AAMDC: variants seen among roughly 807,000 people sequenced by gnomAD.
AAMDC encodes adipogenesis associated Mth938 domain containing.
AAMDC carries 16 observed loss-of-function variants against 15.5 expected under a neutral mutation model. The observed-to-expected ratio is 1.03, with a 90% CI of 0.70 to 1.57. The LOEUF (loss-of-function observed/expected upper bound fraction) is 1.57, where lower values mean the gene tolerates loss of function less well. Among genes scored for constraint, AAMDC ranks in the 40% most tolerant of loss-of-function variants. The probability of loss-of-function intolerance (pLI) is 0.00; values close to 1 mark genes in which losing one functional copy is unlikely to be tolerated. For missense variants in AAMDC, 141 were observed against 144.9 expected (o/e 0.97, Z 0.14); for synonymous variants, 51 against 51.6 (o/e 0.99, Z 0.05).
At chr11:77,888,772 A>G (rs1201936590) in intron 5 of AAMDC, among the ~76,000 whole-genome samples, 1 of 152,246 alleles carries the variant, frequency 6.6e-6, no homozygotes, top group Non-Finnish European at 1.5e-5. Context: ...AAGGATATGA[A>G]CAGACACTTC....
At chr11:77,823,031 C>T (rs1948992833) in intron 1 of AAMDC, among the ~76,000 whole-genome samples, 2 of 151,786 alleles carry the variant, frequency 1.3e-5, no homozygotes, top group African/African-American at 4.8e-5. Flanking sequence ...CTGGCTAACG[C>T]GGTGAAACCC....
At chr11:77,840,916 G>A (rs1260936805) in intron 1 of AAMDC, 1 of 389,090 alleles carries the variant, frequency 2.6e-6, no homozygotes, top group Non-Finnish European at 4.7e-6. Context: ...TATACTAAAT[G>A]TCTTAATCCA....
intron 2 of AAMDC, among the ~76,000 whole-genome samples, chr11:77,854,598 G>T (rs1950534736): frequency 1.3e-5 from 2 of 152,232 alleles, no homozygotes; most frequent in Admixed American, 6.5e-5. Context: ...ACTGATGCAA[G>T]GGGTGGGTTC....
chr11:77,905,729 A>G (rs76867152), downstream of AAMDC, among the ~76,000 whole-genome samples: 2,709 of 152,344 alleles, frequency 0.018, 83 homozygotes, highest in African/African-American at 0.062. Flanking sequence ...AATCTCGTCA[A>G]AAGACTTGAG....
At chr11:77,841,078 G>A (rs1291089738) in intron 1 of AAMDC, 3 of 641,138 alleles carry the variant, frequency 4.7e-6, no homozygotes, top group African/African-American at 1.8e-5. Context: ...CCTTCTTGCT[G>A]CATCATCCTA....
intron 1 of AAMDC, among the ~76,000 whole-genome samples, chr11:77,834,508 A>G (rs1481810641): frequency 7.7e-6 from 1 of 130,092 alleles, no homozygotes; most frequent in Non-Finnish European, 1.5e-5. Context: ...TCCTCCTCCC[A>G]GGTTCAAGTG....
intron 5 of AAMDC, among the ~76,000 whole-genome samples, chr11:77,882,094 A>G (rs149731089): frequency 7.2e-5 from 11 of 151,926 alleles, no homozygotes; most frequent in East Asian, 1.9e-4. Context: ...TTATATATCT[A>G]TTGTAGAGAT....
chr11:77,858,768 C>T (rs1950748418), intron 2 of AAMDC, among the ~76,000 whole-genome samples: 1 of 152,170 alleles, frequency 6.6e-6, no homozygotes, highest in East Asian at 1.9e-4. Context: ...TCATTAACAT[C>T]AGAGCATGGG....
At chr11:77,900,647 T>C (rs1952751046) in exon 6 of AAMDC, 3 of 698,534 alleles carry the variant, frequency 4.3e-6, no homozygotes, top group Non-Finnish European at 7.8e-6. Context: ...AAATCTATGA[T>C]GCCATCATTC....
At chr11:77,861,518 T>C (rs1210555736) in intron 2 of AAMDC, among the ~76,000 whole-genome samples, 3 of 152,210 alleles carry the variant, frequency 2.0e-5, no homozygotes, top group Non-Finnish European at 4.4e-5. Flanking sequence ...GCACTTGCCC[T>C]GGGCACCCTC....
At chr11:77,878,847 C>G in intron 5 of AAMDC, 1 of 855,244 alleles carries the variant, frequency 1.2e-6, no homozygotes, top group Non-Finnish European at 2.0e-6. Flanking sequence ...TCACATACTC[C>G]TTAAGCCTAC....
intron 2 of AAMDC, among the ~76,000 whole-genome samples, chr11:77,858,832 G>C (rs527484495): frequency 5.4e-4 from 82 of 152,264 alleles, no homozygotes; most frequent in African/African-American, 1.9e-3. Context: ...ACTGCATCGG[G>C]GACTCCATTT....
intron 2 of AAMDC, among the ~76,000 whole-genome samples, chr11:77,854,994 A>G (rs771968956): frequency 5.3e-5 from 8 of 152,194 alleles, no homozygotes; most frequent in Non-Finnish European, 1.2e-4. Context: ...ACCTCATGGA[A>G]GCCACCAAGG....
intron 1 of AAMDC, among the ~76,000 whole-genome samples, chr11:77,836,792 G>T (rs997452094): frequency 1.3e-5 from 2 of 152,014 alleles, no homozygotes; most frequent in African/African-American, 4.8e-5. Context: ...ATGGAGAAAC[G>T]CCATCTCTAC....
chr11:77,851,738 C>CATGGGTAAAAGCTCCCT (rs1444589145), intron 2 of AAMDC, among the ~76,000 whole-genome samples: 1 of 152,064 alleles, frequency 6.6e-6, no homozygotes, highest in African/African-American at 2.4e-5. Context: ...CACGTTCTGC[C>CATGGGTAAAAGCTCCCT]ATGGGTAAAA....
chr11:77,854,085 G>A (rs1437732625), intron 2 of AAMDC, among the ~76,000 whole-genome samples: 1 of 149,344 alleles, frequency 6.7e-6, no homozygotes, highest in East Asian at 2.0e-4. Flanking sequence ...CCACCTCCCA[G>A]GTTCACACCA....
intron 5 of AAMDC, among the ~76,000 whole-genome samples, chr11:77,878,237 C>T (rs1477048783): frequency 6.6e-6 from 1 of 152,016 alleles, no homozygotes; most frequent in African/African-American, 2.4e-5. Context: ...TGACAGGCGC[C>T]TGTAGTCCCA....
Position 77,872,255 on chromosome 11 carries a change from G to C in AAMDC, c.309G>C (p.Glu103Asp). The change falls in exon 4 of 4, where the codon GAG becomes GAC. Residue 103 changes from glutamate to aspartate, a missense_variant. Transcript: ENST00000393427. ...RVLQTEQAVKEYNALVAQGVR... is the reference protein window; with the variant it reads ...RVLQTEQAVKDYNALVAQGVR... The stretch of plus-strand genomic sequence containing the variant: ...TCCAGACAGAGCAGGCAGTGAAGGA[G>C]TATAATGCCTTGGTTGCCCAAGGGG... 1 of 1,613,752 alleles carries C rather than the reference G, an allele frequency of 6.2e-7. No individual in the cohort carries two copies. The highest frequency in any genetic ancestry group is 8.5e-7 in the Non-Finnish European group (1 of 1,179,814).
intron 5 of AAMDC, chr11:77,879,090 G>A (rs761947815): frequency 6.2e-7 from 1 of 1,614,066 alleles, no homozygotes. Context: ...CACTGGAGTT[G>A]TAGGCCAGCA....
Sources: gnomAD v4.1 joint callset for allele counts (sites outside exome capture counted in the v4.1 genomes callset) on GRCh38, gnomAD v4.1.1 for gene constraint, MANE v1.5 for transcripts, NCBI Gene and HGNC (gene_info 2026-07-23, HGNC 2026-07-21) for gene names.